The following ZNF224 variants were observed in gnomAD, a reference collection of about 807,000 sequenced individuals.
ZNF224 encodes the protein zinc finger protein 224, also known as bone marrow zinc finger 2.
Under a neutral mutation model 10.5 loss-of-function variants are expected in ZNF224, and 8 were observed. The ratio of observed to expected loss-of-function variants is 0.76; its 90% CI spans 0.45 to 1.37. The LOEUF (loss-of-function observed/expected upper bound fraction) is 1.37, where lower values mean the gene tolerates loss of function less well. Among genes scored for constraint, ZNF224 ranks in the 40% most tolerant of loss-of-function variants. ZNF224 has a pLI of 0.00. For synonymous variants in ZNF224, 282 were observed against 287.8 expected (o/e 0.98, Z 0.20); for missense variants, 754 against 854.0 (o/e 0.88, Z 1.46).
At chr19:44,097,948 A>G (rs1054385822) in intron 3 of ZNF224, 60 bp downstream of exon 3, 2 of 1,592,366 alleles carry the variant, frequency 1.3e-6, no homozygotes, top group Non-Finnish European at 1.7e-6. Flanking sequence ...AATTGTCACA[A>G]GTTTTCCTCT....
rs538170542 is a variant in ZNF224 at position 44,102,532 on chromosome 19, C to T, written c.235+1307C>T. ...AGAGAACTAATAAGTGAAACACAAA[C>T]TACGGTGAAAGAGAGATATTGCAGA... On this transcript the variant is annotated intron_variant, in intron 5 of 5. Coordinates refer to ENST00000693561, the MANE Select transcript of ZNF224 (RefSeq NM_001321645.3). Among the ~76,000 whole-genome samples, 21 of 152,316 alleles carry T rather than the reference C, an allele frequency of 1.4e-4. No individual in the cohort carries two copies. In the East Asian group the frequency reaches 4.1e-3, roughly 29 times the overall value.
chr19:44,099,245 T>C (rs977388257), intron 3 of ZNF224, among the ~76,000 whole-genome samples: 4 of 152,166 alleles, frequency 2.6e-5, no homozygotes, highest in African/African-American at 7.2e-5. Flanking sequence ...ACCTCTTCCA[T>C]GGCCCCCAGC....
intron 5 of ZNF224, 109 bp downstream of exon 5, chr19:44,101,334 T>G (rs1967546774): frequency 8.8e-7 from 1 of 1,139,012 alleles, no homozygotes. Flanking sequence ...CTTTCTTGGA[T>G]TATTGACAAC....
rs546260781 is a variant in ZNF224 at position 44,104,776 on chromosome 19, C to T, written c.236-1620C>T. Among the ~76,000 whole-genome samples the T allele has an allele frequency of 5.9e-5, 9 of 152,272 alleles. No homozygotes were observed. The South Asian group carries it at 1.9e-3, about 32-fold the overall frequency. On this transcript the variant is annotated intron_variant, in intron 5 of 5. Transcript: ENST00000693561. ...TCCTGGGTTCTTGCCATTCTCCTGC[C>T]TCAGCCTCCCGAGTAGCTGGGACTA...
intron 2 of ZNF224, 130 bp from the exon 3 acceptor site, chr19:44,097,676 T>C (rs1967466810): frequency 3.6e-6 from 2 of 553,920 alleles, no homozygotes; most frequent in African/African-American, 1.9e-5. Flanking sequence ...GGTTGTGCCG[T>C]TTTGGGTTTT....
intron 5 of ZNF224, among the ~76,000 whole-genome samples, chr19:44,103,155 CAACTTTAT>C (rs1162825099): frequency 6.6e-6 from 1 of 152,094 alleles, no homozygotes. Context: ...GCTCTATTTT[CAACTTTAT>C]AACTTGGAAG....
intron 3 of ZNF224, among the ~76,000 whole-genome samples, chr19:44,099,088 AAAAG>A (rs1251532201): frequency 6.6e-6 from 1 of 152,198 alleles, no homozygotes; most frequent in African/African-American, 2.4e-5. Flanking sequence ...AAGAGAGAGA[AAAAG>A]AAAGAGAGAA....
In ZNF224 at chr19:44,109,402, A is replaced by C. The variant is rs1208385449; in HGVS notation, c.*1118A>C. ...CAACCTTCTTATCCAATATTCTTCC[A>C]CCAACGCTATGAAACAGGAAGAGAA... On this transcript the variant is annotated 3_prime_UTR_variant, in exon 6 of 6. Transcript: ENST00000693561. 1.3e-5 allele frequency: 2 copies of C among 151,954 alleles called. No individual in the cohort carries two copies. The highest frequency in any genetic ancestry group is 2.9e-5 in the Non-Finnish European group (2 of 68,002). The allele number at this position is 151,954 out of a possible 1,614,324, so 9.4% of individuals were successfully genotyped here.
chr19:44,099,985 A>G (rs1241542634), intron 3 of ZNF224, among the ~76,000 whole-genome samples: 1 of 152,274 alleles, frequency 6.6e-6, no homozygotes, highest in South Asian at 2.1e-4. Flanking sequence ...CATTATTTAG[A>G]ATAACAATAG....
chr19:44,098,933 G>T (rs546065254), intron 3 of ZNF224, among the ~76,000 whole-genome samples: 7 of 152,272 alleles, frequency 4.6e-5, no homozygotes, highest in African/African-American at 1.7e-4. Context: ...CTTGTGTTTT[G>T]TTTCTTCATT....
In ZNF224 at chr19:44,108,493, A is replaced by G. The variant is rs1967754425; in HGVS notation, c.*209A>G. The G allele has an allele frequency of 1.7e-6, 1 of 578,126 alleles. No homozygotes were observed. Among genetic ancestry groups the G allele is most frequent in the East Asian group, 3.0e-5 (1 of 33,126 alleles). 35.8% of individuals were successfully genotyped at this position (578,126 alleles called of 1,614,324 possible). A position where few individuals can be genotyped will look rare whatever the true frequency, so the allele number is the denominator to read the frequency against. On this transcript the variant is annotated 3_prime_UTR_variant, in exon 6 of 6. Coordinates refer to ENST00000693561, the MANE Select transcript of ZNF224 (RefSeq NM_001321645.3). ...TTAAGATAACATCAGTGCTTCAGCC[A>G]TAGCTCAGCATGCCCCAGTAGTCTC...
chr19:44,108,442 A>G lies in ZNF224; in HGVS notation c.*158A>G. On this transcript the variant is annotated 3_prime_UTR_variant, in exon 6 of 6. Coordinates refer to ENST00000693561, the MANE Select transcript of ZNF224 (RefSeq NM_001321645.3). Reference sequence around the variant, plus strand: ...TCCATGCTGGTGATAAATTTCACCCATTCTTGGAAGAGGGAAAACATTTGT... The same window carrying G: ...TCCATGCTGGTGATAAATTTCACCCGTTCTTGGAAGAGGGAAAACATTTGT... 1 of 812,254 alleles carries G rather than the reference A, an allele frequency of 1.2e-6. No individual in the cohort carries two copies. Among genetic ancestry groups the G allele is most frequent in the South Asian group, 1.9e-5 (1 of 53,108 alleles). 50.3% of individuals were successfully genotyped at this position (812,254 alleles called of 1,614,324 possible). A position where few individuals can be genotyped will look rare whatever the true frequency, so the allele number is the denominator to read the frequency against.
Position 44,107,508 on chromosome 19 carries a change from C to T in ZNF224, c.1348C>T (p.His450Tyr). 1 of 1,606,486 alleles carries T rather than the reference C, an allele frequency of 6.2e-7. No homozygotes were observed. Among genetic ancestry groups the T allele is most frequent in the Non-Finnish European group, 8.5e-7 (1 of 1,176,890 alleles). The change falls in exon 6 of 6, where the codon CAT becomes TAT. Residue 450 changes from histidine (H) to tyrosine (Y), a missense_variant. Coordinates refer to ENST00000693561, the MANE Select transcript of ZNF224 (RefSeq NM_001321645.3). ...RLDLDFHQRV[H>Y]TGEKLYNCKE... Reference sequence around the variant, plus strand: ...GGATCTTGACTTTCACCAGCGCGTCCATACAGGAGAGAAACTGTATAATTG... The same window carrying T: ...GGATCTTGACTTTCACCAGCGCGTCTATACAGGAGAGAAACTGTATAATTG...
At chr19:44,104,866 G>A (rs1042683981) in intron 5 of ZNF224, among the ~76,000 whole-genome samples, 23 of 152,304 alleles carry the variant, frequency 1.5e-4, no homozygotes, top group Admixed American at 7.8e-4. Flanking sequence ...GTTTCACCAT[G>A]TTAGCCAGGA....
intron 3 of ZNF224, among the ~76,000 whole-genome samples, chr19:44,099,121 G>T (rs1233866300): frequency 6.6e-6 from 1 of 152,188 alleles, no homozygotes. Context: ...TGAGGGAACT[G>T]TGCCCTGTGG....
chr19:44,109,735 TGATGAC>T lies in ZNF224; in HGVS notation c.*1452_*1457del, dbSNP rs1967791455. 6.6e-6 allele frequency: 1 copy of T among 152,236 alleles called. No homozygotes were observed. Among genetic ancestry groups the T allele is most frequent in the Non-Finnish European group, 1.5e-5 (1 of 68,040 alleles). 9.4% of individuals were successfully genotyped at this position (152,236 alleles called of 1,614,324 possible). ...CTATAATAATATGAACTCAATGAGA[TGATGAC>T]ATAGACACAATAACAAAAGGAGAAA... On this transcript the variant is annotated 3_prime_UTR_variant, in exon 6 of 6. Transcript: ENST00000693561.
Position 44,108,686 on chromosome 19 carries a change from CT to C in ZNF224, c.*403del, listed in dbSNP as rs755865399. 5.8e-6 allele frequency: 3 copies of C among 520,844 alleles called. No individual in the cohort carries two copies. The highest frequency in any genetic ancestry group is 7.7e-6 in the Non-Finnish European group (2 of 261,338). 32.3% of individuals were successfully genotyped at this position (520,844 alleles called of 1,614,324 possible). On this transcript the variant is annotated 3_prime_UTR_variant, in exon 6 of 6. Transcript: ENST00000693561. Reference sequence around the variant, plus strand: ...AAATTGATGTCCACTAGAATGTAAACTACATGTGTCTTTGCTGCTAAGTCGT... The same window carrying C: ...AAATTGATGTCCACTAGAATGTAAACACATGTGTCTTTGCTGCTAAGTCGT...
Position 44,107,783 on chromosome 19 carries a change from T to C in ZNF224, c.1623T>C (p.Asn541=). The C allele has an allele frequency of 6.2e-7, 1 of 1,600,278 alleles. No individual in the cohort carries two copies. Among genetic ancestry groups the C allele is most frequent in the Non-Finnish European group, 8.5e-7 (1 of 1,172,288 alleles). Residue 541 remains asparagine, a synonymous_variant, in exon 6 of 6, where the codon AAT becomes AAC. Coordinates refer to ENST00000693561, the MANE Select transcript of ZNF224 (RefSeq NM_001321645.3). ...TCCACACAGGAGAGAGACCATACAA[T>C]TGTAAGGAATGTGGGAAGAGTTTTG... ...QKVHTGERPY[N]CKECGKSFGW... is the part of the protein sequence containing the mutation.
At position 44,109,298 on chromosome 19, in the gene ZNF224, T is replaced by G. The variant is rs1967777945; in HGVS notation, c.*1014T>G. On this transcript the variant is annotated 3_prime_UTR_variant, in exon 6 of 6. Coordinates refer to ENST00000693561, the MANE Select transcript of ZNF224 (RefSeq NM_001321645.3). ...CTATGCAGGCCTTGGTATGATTGCC[T>G]TTTAATTGCTGTACAATTTCTTTTT... 6.6e-6 allele frequency: 1 copy of G among 151,952 alleles called. No individual in the cohort carries two copies. Among genetic ancestry groups the G allele is most frequent in the Non-Finnish European group, 1.5e-5 (1 of 68,020 alleles). The allele number at this position is 151,952 out of a possible 1,614,324, so 9.4% of individuals were successfully genotyped here.
Sources: gnomAD v4.1 joint callset for allele counts (sites outside exome capture counted in the v4.1 genomes callset) on GRCh38, gnomAD v4.1.1 for gene constraint, MANE v1.5 for transcripts, NCBI Gene and HGNC (gene_info 2026-07-23, HGNC 2026-07-21) for gene names.